The following ZSCAN12 variants were observed in gnomAD, a reference collection of about 807,000 sequenced individuals.
ZSCAN12 encodes zinc finger and SCAN domain containing 12.
In ZSCAN12, 18 loss-of-function variants were observed where a neutral mutation model predicts 23.4. The observed-to-expected ratio is 0.77, with a 90% CI of 0.53 to 1.14. The LOEUF (loss-of-function observed/expected upper bound fraction) is 1.14, where lower values mean the gene tolerates loss of function less well. Ranked by LOEUF, ZSCAN12 falls within the 50% of genes most tolerant of loss-of-function variation. The probability of loss-of-function intolerance (pLI) is 0.00; values close to 1 mark genes in which losing one functional copy is unlikely to be tolerated. For missense variants in ZSCAN12, 650 were observed against 735.0 expected, an observed-to-expected ratio of 0.88 and a Z score of 1.34; for synonymous variants, 186 against 253.4, an observed-to-expected ratio of 0.73 and a Z score of 2.53.
intron 1 of ZSCAN12, among the ~76,000 whole-genome samples, chr6:28,399,019 T>C (rs1761280440): frequency 6.6e-6 from 1 of 152,042 alleles, no homozygotes; most frequent in African/African-American, 2.4e-5. Context: ...GTAAGACTTG[T>C]TGGTAAACTT....
At position 28,386,746 on chromosome 6, in the gene ZSCAN12, T is replaced by C. The variant is rs1048089462; in HGVS notation, c.*3708A>G. Among the ~76,000 whole-genome samples, 3 of 152,248 alleles carry C rather than the reference T, an allele frequency of 2.0e-5. No individual in the cohort carries two copies. Among genetic ancestry groups the C allele is most frequent in the Non-Finnish European group, 4.4e-5 (3 of 68,042 alleles). On this transcript the variant is annotated 3_prime_UTR_variant, in exon 4 of 4. Transcript: ENST00000684592. ...CTTTGATGCCTACCTGGAAATTCCA[T>C]GTCACTCCACCTTTTTTTGGTACTA...
rs933830361 is a variant in ZSCAN12 at position 28,398,426 on chromosome 6, C to T, written c.-21G>A. ...GCCATTTTAGCTGTGCTAGAACTAC[C>T]GGTGTTTCAAGTAAGATCTCACCTG... On this transcript the variant is annotated 5_prime_UTR_variant, in exon 2 of 4. Transcript: ENST00000684592. 4 of 1,513,180 alleles carry T rather than the reference C, an allele frequency of 2.6e-6. No individual in the cohort carries two copies. Among genetic ancestry groups the T allele is most frequent in the Non-Finnish European group, 3.6e-6 (4 of 1,125,960 alleles). 93.7% of individuals were successfully genotyped at this position (1,513,180 alleles called of 1,614,324 possible).
intron 3 of ZSCAN12, among the ~76,000 whole-genome samples, chr6:28,392,658 G>A (rs552324176): frequency 1.3e-5 from 2 of 152,270 alleles, no homozygotes; most frequent in South Asian, 4.1e-4. Context: ...AGTATAAAGA[G>A]AGATAAATAT....
At position 28,398,294 on chromosome 6, in the gene ZSCAN12, T is replaced by C. The variant is rs1337342994; in HGVS notation, c.112A>G (p.Asn38Asp). The change falls in exon 2 of 4, where the codon AAC becomes GAC. Residue 38 changes from asparagine (N) to aspartate (D), a missense_variant. Physicochemically the swap from Asn to Asp is conservative, Grantham distance 23. Coordinates refer to ENST00000684592, the MANE Select transcript of ZSCAN12 (RefSeq NM_001163391.2). ...TRQDWDLRKNNTHSREVFRQY... is the reference protein window; with the variant it reads ...TRQDWDLRKNDTHSREVFRQY... ...CGGAAGACCTCTCTGCTATGGGTGTTGTTTTTACGCAGGTCCCAATCCTGT... is the reference window on the plus strand; with the variant it reads ...CGGAAGACCTCTCTGCTATGGGTGTCGTTTTTACGCAGGTCCCAATCCTGT... 17 of 1,595,532 alleles carry C rather than the reference T, an allele frequency of 1.1e-5. No individual in the cohort carries two copies. The highest frequency in any genetic ancestry group is 1.3e-5 in the Non-Finnish European group (15 of 1,170,804).
In ZSCAN12 at chr6:28,398,020, T is replaced by G; in HGVS notation, c.386A>C (p.Asp129Ala). The change falls in exon 2 of 4, where the codon GAT (aspartate) becomes GCT (alanine). Residue 129 changes from aspartate (D) to alanine (A), a missense_variant. Transcript: ENST00000684592. ...TVLEDLEREL[D>A]EPGEQVSVHT... Reference sequence around the variant, plus strand: ...TTTTCTCACCTGCTCTCCTGGTTCATCCAGTTCTCTCTCTAAATCCTCCAG... The same window carrying G: ...TTTTCTCACCTGCTCTCCTGGTTCAGCCAGTTCTCTCTCTAAATCCTCCAG... 6.2e-7 allele frequency: 1 copy of G among 1,600,142 alleles called. No homozygotes were observed. Among genetic ancestry groups the G allele is most frequent in the African/African-American group, 1.3e-5 (1 of 74,394 alleles).
chr6:28,396,179 T>C (rs2113995919), intron 2 of ZSCAN12, among the ~76,000 whole-genome samples: 1 of 151,964 alleles, frequency 6.6e-6, no homozygotes, highest in East Asian at 1.9e-4. Flanking sequence ...GCCTGGCTAA[T>C]TTTTGTATTT....
downstream of ZSCAN12, among the ~76,000 whole-genome samples, chr6:28,383,742 C>A (rs1760404613): frequency 1.3e-5 from 2 of 152,176 alleles, no homozygotes; most frequent in South Asian, 4.1e-4. Context: ...CGATAAGTGT[C>A]CCCTGCTGGC....
rs2232424 is a variant in ZSCAN12, at chr6:28,393,167, C to A, written c.403-121G>T. 8.7e-6 allele frequency: 9 copies of A among 1,031,850 alleles called. No individual in the cohort carries two copies. In the East Asian group the frequency reaches 2.1e-4, roughly 24 times the overall value. The allele number at this position is 1,031,850 out of a possible 1,614,324, so 63.9% of individuals were successfully genotyped here. A position where few individuals can be genotyped will look rare whatever the true frequency, so the allele number is the denominator to read the frequency against. The stretch of plus-strand genomic sequence containing the variant: ...TTTCCCAGATATAAGCCTGCCATAA[C>A]CCTACCCATTCTTCAAGGCCAATAT... On this transcript the variant is annotated intron_variant, in intron 2 of 3. Coordinates refer to ENST00000684592, the MANE Select transcript of ZSCAN12 (RefSeq NM_001163391.2).
rs922031024 is a variant in ZSCAN12 at position 28,386,243 on chromosome 6, T to C, written c.*4211A>G. On this transcript the variant is annotated 3_prime_UTR_variant, in exon 4 of 4. Transcript: ENST00000684592. Reference sequence around the variant, plus strand: ...CACTTAATGTCTTGTTTACCTTGAATCAATTAGAAAAGACAAGCCAGTCAA... The same window carrying C: ...CACTTAATGTCTTGTTTACCTTGAACCAATTAGAAAAGACAAGCCAGTCAA... Among the ~76,000 whole-genome samples, 8 of 152,222 alleles carry C rather than the reference T, an allele frequency of 5.3e-5. No homozygotes were observed. The highest frequency in any genetic ancestry group is 1.9e-4 in the African/African-American group (8 of 41,462).
downstream of ZSCAN12, chr6:28,382,571 T>C (rs1324701195): frequency 2.6e-6 from 4 of 1,551,708 alleles, no homozygotes; most frequent in Admixed American, 2.0e-5. Flanking sequence ...GGGTTCAGAG[T>C]GATTTTTCAG....
Position 28,387,095 on chromosome 6 carries a change from G to C in ZSCAN12, c.*3359C>G, listed in dbSNP as rs1266975740. On this transcript the variant is annotated 3_prime_UTR_variant, in exon 4 of 4. Transcript: ENST00000684592. ...CCACCTCGGCCTCCCAAAGTGCTGG[G>C]ATTATAAGTGTGAGCCACTGCACCC... Among the ~76,000 whole-genome samples, 1 of 152,150 alleles carries C rather than the reference G, an allele frequency of 6.6e-6. No individual in the cohort carries two copies. The highest frequency in any genetic ancestry group is 1.5e-5 in the Non-Finnish European group (1 of 68,038).
intron 2 of ZSCAN12, among the ~76,000 whole-genome samples, chr6:28,393,822 C>A (rs539143318): frequency 9.2e-5 from 14 of 151,614 alleles, no homozygotes; most frequent in Non-Finnish European, 1.5e-5. Context: ...CTTCCATATT[C>A]ATTCCCTAAG....
intron 2 of ZSCAN12, 42 bp downstream of exon 2, chr6:28,397,962 A>G (rs1287470012): frequency 6.6e-7 from 1 of 1,512,610 alleles, no homozygotes; most frequent in Non-Finnish European, 8.8e-7. Flanking sequence ...AGAAATCCAC[A>G]ATTTATGTTT....
At position 28,391,877 on chromosome 6, in the gene ZSCAN12, T is replaced by C; in HGVS notation, c.548-135A>G. The C allele has an allele frequency of 1.4e-6, 1 of 739,746 alleles. No homozygotes were observed. The highest frequency in any genetic ancestry group is 2.1e-6 in the Non-Finnish European group (1 of 486,470). The allele number at this position is 739,746 out of a possible 1,614,324, so 45.8% of individuals were successfully genotyped here. A position where few individuals can be genotyped will look rare whatever the true frequency, so the allele number is the denominator to read the frequency against. On this transcript the variant is annotated intron_variant, in intron 3 of 3. Coordinates refer to ENST00000684592, the MANE Select transcript of ZSCAN12 (RefSeq NM_001163391.2). This position sits in a 1 kb window ranked among gnomAD's most constrained non-coding sequence, Gnocchi z 4.1. ...TGATAAAGAGAGCAAAATATATTTG[T>C]TTCAATATGGAAAACATATGCATCA...
At position 28,391,206 on chromosome 6, in the gene ZSCAN12, C is replaced by A; in HGVS notation, c.1084G>T (p.Asp362Tyr). The change falls in exon 4 of 4, where the codon GAC (aspartate) becomes TAC (tyrosine). Residue 362 changes from aspartate (D) to tyrosine (Y), a missense_variant. Asp to Tyr is a radical substitution (Grantham distance 160, BLOSUM62 -3). Coordinates refer to ENST00000684592, the MANE Select transcript of ZSCAN12 (RefSeq NM_001163391.2). The surrounding 1 kb of genome is among the most constrained non-coding windows in gnomAD (Gnocchi z 4.1). ...HTGEKHYHCN[D>Y]CGKAFSQKAG... ...TTCTGACTAAAGGCTTTGCCACAGTCATTACAGTGATAGTGTTTTTCTCCT... is the reference window on the plus strand; with the variant it reads ...TTCTGACTAAAGGCTTTGCCACAGTAATTACAGTGATAGTGTTTTTCTCCT... 1 of 1,551,914 alleles carries A rather than the reference C, an allele frequency of 6.4e-7. No individual in the cohort carries two copies. Among genetic ancestry groups the A allele is most frequent in the South Asian group, 1.2e-5 (1 of 84,042 alleles).
rs991064281 is a variant in ZSCAN12 at position 28,394,971 on chromosome 6, G to A, written c.403-1925C>T. ...TTTTTTTGAGGCAGAGTCTCACTCTGTCGTCCAGGCTGGAGTGCAGTGGCA... is the reference window on the plus strand; with the variant it reads ...TTTTTTTGAGGCAGAGTCTCACTCTATCGTCCAGGCTGGAGTGCAGTGGCA... On this transcript the variant is annotated intron_variant, in intron 2 of 3. Transcript: ENST00000684592. 2.6e-5 allele frequency among the ~76,000 whole-genome samples: 4 copies of A among 151,920 alleles called. No individual in the cohort carries two copies. In the South Asian group the frequency reaches 8.3e-4, roughly 32 times the overall value.
chr6:28,394,508 C>T (rs1326791340), intron 2 of ZSCAN12, among the ~76,000 whole-genome samples: 1 of 152,100 alleles, frequency 6.6e-6, no homozygotes, highest in Admixed American at 6.5e-5. Flanking sequence ...GTTTTGATAT[C>T]TCATATTTTG....
At chr6:28,393,417 A>G (rs1760956517) in intron 2 of ZSCAN12, among the ~76,000 whole-genome samples, 1 of 151,646 alleles carries the variant, frequency 6.6e-6, no homozygotes, top group Admixed American at 6.6e-5. Context: ...AAACATTAAG[A>G]GAGAAAGAGG....
chr6:28,383,773 G>T (rs375154009), downstream of ZSCAN12, among the ~76,000 whole-genome samples: 2 of 152,180 alleles, frequency 1.3e-5, no homozygotes, highest in Admixed American at 1.3e-4. Flanking sequence ...CAGTTCTCCA[G>T]CAGGAAAGTA....
Sources: gnomAD v4.1 joint callset for allele counts (sites outside exome capture counted in the v4.1 genomes callset) on GRCh38, gnomAD v4.1.1 for gene constraint, Gnocchi (gnomAD v3.1) non-coding constraint, MANE v1.5 for transcripts, NCBI Gene and HGNC (gene_info 2026-07-23, HGNC 2026-07-21) for gene names.